The following ARNT2 variants were observed in gnomAD, a reference collection of about 807,000 sequenced individuals.
The protein encoded by ARNT2 is aryl hydrocarbon receptor nuclear translocator 2.
In ARNT2, 36 loss-of-function variants were observed where a neutral mutation model predicts 91.7. The observed-to-expected ratio is 0.39, with a 90% CI of 0.30 to 0.52. The LOEUF is 0.52. Among genes scored for constraint, ARNT2 ranks in the 20% least tolerant of loss-of-function variants. The pLI, the probability that ARNT2 is intolerant of heterozygous loss-of-function variation, is 0.72. For synonymous variants in ARNT2, 365 were observed against 347.1 expected, an observed-to-expected ratio of 1.05 and a Z score of -0.57; for missense variants, 775 against 939.3, an observed-to-expected ratio of 0.83 and a Z score of 2.29.
At chr15:80,486,442 C>G (rs988249491) in intron 5 of ARNT2, among the ~76,000 whole-genome samples, 19 of 152,176 alleles carry the variant, frequency 1.2e-4, no homozygotes, top group Non-Finnish European at 4.4e-5. Flanking sequence ...TCCACTCACT[C>G]TAGTCCTTTA....
intron 1 of ARNT2, chr15:80,442,831 A>G (rs1383149985): frequency 4.1e-6 from 4 of 985,224 alleles, no homozygotes; most frequent in East Asian, 1.1e-4. Flanking sequence ...TTTTTGCCCT[A>G]TACAGTGTAG....
chr15:80,590,508 C>A lies in ARNT2; in HGVS notation c.1919-1060C>A, dbSNP rs545790619. ...ATCCCAGCACTTTGGGAGGCCAGAG[C>A]AGGGGGACTGCATGAGGCCAGGAGT... On this transcript the variant is annotated intron_variant, in intron 17 of 18. Coordinates refer to ENST00000303329, the MANE Select transcript of ARNT2 (RefSeq NM_014862.4). Among the ~76,000 whole-genome samples the A allele has an allele frequency of 3.3e-5, 5 of 152,312 alleles. No individual in the cohort carries two copies. The South Asian group carries it at 1.0e-3, about 32-fold the overall frequency.
intron 1 of ARNT2, among the ~76,000 whole-genome samples, chr15:80,426,396 G>A (rs1020397): frequency 6.6e-6 from 1 of 151,946 alleles, no homozygotes; most frequent in Non-Finnish European, 1.5e-5. Context: ...GAGCACAGCT[G>A]GGGGAGTAGA....
At chr15:80,417,819 C>T (rs1350706106) in intron 1 of ARNT2, among the ~76,000 whole-genome samples, 2 of 152,210 alleles carry the variant, frequency 1.3e-5, no homozygotes, top group Non-Finnish European at 2.9e-5. Context: ...CCGTTGGGTA[C>T]TGGCCATGCA....
At chr15:80,505,928 T>TTTTTTTTTTC (rs1897268012) in intron 5 of ARNT2, among the ~76,000 whole-genome samples, 1 of 6,080 alleles carries the variant, frequency 1.6e-4, no homozygotes, top group Non-Finnish European at 3.3e-4. Flanking sequence ...ACATTTGTTG[T>TTTTTTTTTTC]TTTTTTTTTT....
rs139765373 is a variant in ARNT2 at position 80,578,248 on chromosome 15, G to A, written c.1613+1283G>A. On this transcript the variant is annotated intron_variant, in intron 15 of 18. Transcript: ENST00000303329. ...GGGGACAGCCCAAGGTGGCATGACC[G>A]GAGAAGGTCTGGCTGACTCTTCAGC... 1.2e-4 allele frequency among the ~76,000 whole-genome samples: 19 copies of A among 152,268 alleles called. 1 individual carries two copies. Among genetic ancestry groups the A allele is most frequent in the South Asian group, 8.3e-4 (4 of 4,830 alleles).
intron 1 of ARNT2, among the ~76,000 whole-genome samples, chr15:80,438,225 C>T (rs1157866480): frequency 1.3e-5 from 2 of 152,192 alleles, no homozygotes; most frequent in East Asian, 1.9e-4. Flanking sequence ...TACTCCTGTG[C>T]TTACCATGCT....
At chr15:80,557,310 G>A (rs1474961425) in intron 11 of ARNT2, among the ~76,000 whole-genome samples, 1 of 151,770 alleles carries the variant, frequency 6.6e-6, no homozygotes, top group Admixed American at 6.6e-5. Context: ...GATGCCCCAG[G>A]GATCTCCCCT....
intron 5 of ARNT2, among the ~76,000 whole-genome samples, chr15:80,498,064 G>A (rs768493089): frequency 5.9e-5 from 9 of 152,182 alleles, no homozygotes; most frequent in Non-Finnish European, 1.2e-4. Flanking sequence ...CTGCACCATC[G>A]GGGGCCCTCA....
chr15:80,507,675 G>A (rs554406730), intron 5 of ARNT2, among the ~76,000 whole-genome samples: 2 of 152,344 alleles, frequency 1.3e-5, no homozygotes, highest in African/African-American at 4.8e-5. Flanking sequence ...AGCCTCCAGG[G>A]AGAAAGGAGC....
chr15:80,464,262 A>G (rs1896613820), intron 3 of ARNT2, among the ~76,000 whole-genome samples: 1 of 145,360 alleles, frequency 6.9e-6, no homozygotes, highest in African/African-American at 2.5e-5. Context: ...AGTCAGTGTG[A>G]CCCTTGGAGC....
intron 1 of ARNT2, among the ~76,000 whole-genome samples, chr15:80,423,755 TGAAA>T (rs1459433777): frequency 2.8e-5 from 4 of 144,082 alleles, no homozygotes; most frequent in African/African-American, 1.0e-4. Flanking sequence ...TGTGTGTGTG[TGAAA>T]GAGAGGGAGA....
intron 8 of ARNT2, among the ~76,000 whole-genome samples, chr15:80,515,763 CA>C (rs1177980914): frequency 6.8e-6 from 1 of 147,144 alleles, no homozygotes; most frequent in Non-Finnish European, 1.5e-5. Context: ...CAATGTTAAA[CA>C]ATTTTTTGTT....
chr15:80,456,678 G>T (rs1896486204), intron 2 of ARNT2, among the ~76,000 whole-genome samples: 1 of 152,114 alleles, frequency 6.6e-6, no homozygotes, highest in Non-Finnish European at 1.5e-5. Context: ...TGTGTAATCT[G>T]CCATTTCCTG....
In ARNT2 at chr15:80,593,644, C is replaced by T. The variant is rs1316956655; in HGVS notation, c.2100C>T (p.Asn700=). Residue 700 remains asparagine (N), a synonymous_variant, in exon 19 of 19, where the codon AAC becomes AAT. Transcript: ENST00000303329. ...MPGDPTQGTG[N]YNIEDFADLG... is the part of the protein sequence containing the mutation. The stretch of plus-strand genomic sequence containing the variant: ...GAGATCCAACCCAGGGGACTGGCAA[C>T]TATAACATCGAAGACTTTGCCGACC... The T allele has an allele frequency of 6.2e-7, 1 of 1,607,362 alleles. No homozygotes were observed. The highest frequency in any genetic ancestry group is 8.5e-7 in the Non-Finnish European group (1 of 1,176,192).
chr15:80,559,465 G>A (rs1436055862), intron 11 of ARNT2, among the ~76,000 whole-genome samples: 1 of 152,230 alleles, frequency 6.6e-6, no homozygotes, highest in Admixed American at 6.5e-5. Context: ...CAAGGTGGGG[G>A]TCAAATGTTG....
intron 17 of ARNT2, among the ~76,000 whole-genome samples, chr15:80,588,166 A>C (rs766726540): frequency 6.6e-6 from 1 of 152,252 alleles, no homozygotes; most frequent in Non-Finnish European, 1.5e-5. Context: ...CCAGCCTGTC[A>C]ATACCACCAG....
intron 5 of ARNT2, among the ~76,000 whole-genome samples, chr15:80,485,218 A>G (rs1307386211): frequency 1.3e-5 from 2 of 152,228 alleles, no homozygotes; most frequent in Non-Finnish European, 2.9e-5. Context: ...GAAGATGGGT[A>G]GGCCCTGATC....
intron 6 of ARNT2, among the ~76,000 whole-genome samples, chr15:80,513,490 A>G (rs1331397531): frequency 6.6e-6 from 1 of 152,212 alleles, no homozygotes; most frequent in Non-Finnish European, 1.5e-5. Flanking sequence ...TTAACTGGCA[A>G]CATCTGTTTT....
Sources: gnomAD v4.1 joint callset for allele counts (sites outside exome capture counted in the v4.1 genomes callset) on GRCh38, gnomAD v4.1.1 for gene constraint, MANE v1.5 for transcripts, NCBI Gene and HGNC (gene_info 2026-07-23, HGNC 2026-07-21) for gene names.